ZNF354A: variants seen among roughly 807,000 people sequenced by gnomAD.
The protein encoded by ZNF354A is epididymis luminal protein 104.
ZNF354A carries 25 observed loss-of-function variants against 53.3 expected under a neutral mutation model. The observed-to-expected ratio is 0.47, with a 90% CI of 0.34 to 0.66. The LOEUF (loss-of-function observed/expected upper bound fraction) is 0.66, where lower values mean the gene tolerates loss of function less well. ZNF354A is among the 30% of genes least tolerant of loss of function. ZNF354A has a pLI of 0.01. For missense variants in ZNF354A, 586 were observed against 716.8 expected (o/e 0.82, Z 2.08); for synonymous variants, 228 against 249.0 (o/e 0.92, Z 0.79).
chr5:178,727,125 C>A lies in ZNF354A; in HGVS notation c.34G>T (p.Val12Leu). ...GCCACATCCTCAAACGTCAGTGACA[C>A]CTGTAAGGACAAGTCGTTCCAGCTC... ...AAGQREARPQ[V>L]SLTFEDVAVL... Residue 12 changes from valine (V) to leucine (L), a missense_variant and splice_region_variant, in exon 3 of 5, where the codon GTG becomes TTG. Val to Leu is a conservative substitution (Grantham distance 32, BLOSUM62 1). Around this residue, in one of 2 missense-constraint regions of ZNF354A, gnomAD observed 13 missense variants for 36.7 expected, o/e 0.35. Coordinates refer to ENST00000335815, the MANE Select transcript of ZNF354A (RefSeq NM_005649.3). 6.2e-7 allele frequency: 1 copy of A among 1,612,426 alleles called. No homozygotes were observed. Among genetic ancestry groups the A allele is most frequent in the Non-Finnish European group, 8.5e-7 (1 of 1,179,248 alleles).
At chr5:178,718,041 T>C (rs1765746657) in intron 4 of ZNF354A, among the ~76,000 whole-genome samples, 1 of 152,126 alleles carries the variant, frequency 6.6e-6, no homozygotes. Flanking sequence ...TAAGCAAATG[T>C]GACATGGGGA....
Position 178,713,324 on chromosome 5 carries a change from G to GT in ZNF354A, c.553dup (p.Thr185AsnfsTer6), listed in dbSNP as rs1164748265. The GT allele has an allele frequency of 1.2e-6, 2 of 1,614,108 alleles. No homozygotes were observed. The highest frequency in any genetic ancestry group is 1.3e-5 in the African/African-American group (1 of 75,050). On this transcript the variant is annotated frameshift_variant, in exon 5 of 5. Transcript: ENST00000335815. LOFTEE classifies it high-confidence loss of function. The stretch of plus-strand genomic sequence containing the variant: ...TCCTTGTATTTCACATTTTGGTGGT[G>GT]TTTTTTCTCTGGGAAGTATCTGTTG...
chr5:178,728,435 G>T (rs907900790), intron 2 of ZNF354A, among the ~76,000 whole-genome samples: 1 of 151,960 alleles, frequency 6.6e-6, no homozygotes, highest in Admixed American at 6.6e-5. Flanking sequence ...AGGTTAAAAT[G>T]GTAACATAGA....
chr5:178,727,246 C>G, intron 2 of ZNF354A, 121 bp from the exon 3 acceptor site: 1 of 1,194,368 alleles, frequency 8.4e-7, no homozygotes, highest in Middle Eastern at 2.1e-4. Context: ...CTGAAGGTTC[C>G]AGATCATTCG....
intron 3 of ZNF354A, chr5:178,726,055 G>T: frequency 2.5e-6 from 1 of 399,434 alleles, no homozygotes; most frequent in Non-Finnish European, 5.1e-6. Flanking sequence ...TGTTGGCCAG[G>T]ATGGTCTTGA....
At chr5:178,722,939 T>C (rs1335686862) in intron 4 of ZNF354A, among the ~76,000 whole-genome samples, 2 of 152,130 alleles carry the variant, frequency 1.3e-5, no homozygotes, top group Non-Finnish European at 1.5e-5. Flanking sequence ...CATGGACGCA[T>C]GACCGCCACG....
At chr5:178,730,110 C>T (rs566490063) in intron 1 of ZNF354A, among the ~76,000 whole-genome samples, 1 of 152,296 alleles carries the variant, frequency 6.6e-6, no homozygotes, top group South Asian at 2.1e-4. Context: ...CGTGATCCAC[C>T]CGCTTCGGCC....
intron 3 of ZNF354A, among the ~76,000 whole-genome samples, chr5:178,726,546 C>T (rs558018130): frequency 7.2e-5 from 11 of 152,120 alleles, no homozygotes; most frequent in South Asian, 4.2e-4. Flanking sequence ...ATGATCTGCC[C>T]GCCTTGGCCT....
intron 3 of ZNF354A, chr5:178,726,358 T>A: frequency 2.8e-6 from 1 of 361,992 alleles, no homozygotes; most frequent in East Asian, 7.7e-5. Context: ...TCGCCCAGGC[T>A]GGAGTGCAGT....
intron 4 of ZNF354A, among the ~76,000 whole-genome samples, chr5:178,722,736 C>T (rs1765833941): frequency 6.6e-6 from 1 of 152,186 alleles, no homozygotes. Flanking sequence ...AAACAGGCAA[C>T]CCCTCCCACA....
In ZNF354A at chr5:178,713,228, C is replaced by G. The variant is rs1364523762; in HGVS notation, c.650G>C (p.Ser217Thr). 18 of 1,614,024 alleles carry G rather than the reference C, an allele frequency of 1.1e-5. No homozygotes were observed. The highest frequency in any genetic ancestry group is 1.4e-5 in the Non-Finnish European group (16 of 1,180,028). The change falls in exon 5 of 5, where the codon AGT becomes ACT. Residue 217 changes from serine to threonine, a missense_variant. By Grantham distance (58) the Ser-to-Thr change is moderately conservative. Coordinates refer to ENST00000335815, the MANE Select transcript of ZNF354A (RefSeq NM_005649.3). ...GTTAATGAAGGTTTTTTCACACAGA[C>G]TACATTTATAGCGTTTATCTGCTGT... is the stretch of plus-strand genomic sequence containing the variant. ...KITADKRYKC[S>T]LCEKTFINTS...
chr5:178,716,867 T>C (rs1371262161), intron 4 of ZNF354A, among the ~76,000 whole-genome samples: 1 of 151,686 alleles, frequency 6.6e-6, no homozygotes, highest in Non-Finnish European at 1.5e-5. Context: ...TCACCTGAGA[T>C]CAGGAATTCA....
intron 4 of ZNF354A, among the ~76,000 whole-genome samples, chr5:178,721,395 C>T (rs1442502990): frequency 6.6e-6 from 1 of 152,104 alleles, no homozygotes; most frequent in African/African-American, 2.4e-5. Context: ...AGAAAAGGGA[C>T]AGGAAAAATG....
rs758716925 is a variant in ZNF354A at position 178,713,578 on chromosome 5, T to A, written c.300A>T (p.Gln100His). Residue 100 changes from glutamine (Q) to histidine (H), a missense_variant, in exon 5 of 5, where the codon CAA (glutamine) becomes CAT (histidine). Transcript: ENST00000335815. ...GTATCAGTCCCTGAAATGAAGAGTCTTGTGTTTGCGTTGACTTTGTGGTTT... is the reference window on the plus strand; with the variant it reads ...GTATCAGTCCCTGAAATGAAGAGTCATGTGTTTGCGTTGACTTTGTGGTTT... ...SHKTTKSTQTQDSSFQGLILK... is the reference protein window; with the variant it reads ...SHKTTKSTQTHDSSFQGLILK... The A allele has an allele frequency of 1.3e-6, 2 of 1,587,780 alleles. No individual in the cohort carries two copies. Among genetic ancestry groups the A allele is most frequent in the African/African-American group, 2.7e-5 (2 of 73,238 alleles).
rs941308234 is a variant in ZNF354A at position 178,713,612 on chromosome 5, C to T, written c.266G>A (p.Ser89Asn). 36 of 1,554,508 alleles carry T rather than the reference C, an allele frequency of 2.3e-5. No individual in the cohort carries two copies. The highest frequency in any genetic ancestry group is 3.0e-5 in the Non-Finnish European group (35 of 1,160,542). The change falls in exon 5 of 5, where the codon AGC (serine) becomes AAC (asparagine). Residue 89 changes from serine to asparagine, a missense_variant. Around this residue, in one of 2 missense-constraint regions of ZNF354A, gnomAD observed 573 missense variants for 680.1 expected, o/e 0.84. Transcript: ENST00000335815. ...CGTTGACTTTGTGGTTTTATGACTG[C>T]TCTTCGATCCTGGAGGGAAAAAAAA... is the stretch of plus-strand genomic sequence containing the variant. ...GSGVSSLGSK[S>N]SHKTTKSTQT...
At chr5:178,724,865 C>T (rs1363838857) in intron 4 of ZNF354A, among the ~76,000 whole-genome samples, 4 of 152,208 alleles carry the variant, frequency 2.6e-5, no homozygotes, top group Admixed American at 6.5e-5. Context: ...GCTCACAGGT[C>T]CCTTAGCTGT....
intron 4 of ZNF354A, among the ~76,000 whole-genome samples, chr5:178,720,386 G>A (rs764582987): frequency 1.3e-5 from 2 of 152,180 alleles, no homozygotes; most frequent in African/African-American, 4.8e-5. Context: ...TCATTGGGGT[G>A]AGCCCTAATC....
At chr5:178,723,211 G>A (rs1421038987) in intron 4 of ZNF354A, among the ~76,000 whole-genome samples, 1 of 152,258 alleles carries the variant, frequency 6.6e-6, no homozygotes, top group Non-Finnish European at 1.5e-5. Flanking sequence ...GCTCTCCCCA[G>A]CACAGGGGCT....
chr5:178,721,641 T>G (rs145942147), intron 4 of ZNF354A, among the ~76,000 whole-genome samples: 69 of 152,244 alleles, frequency 4.5e-4, no homozygotes, highest in African/African-American at 1.6e-3. Context: ...TGTGTGGACG[T>G]ACCACAGTTT....
Sources: allele counts gnomAD v4.1 joint callset (sites outside exome capture counted in the v4.1 genomes callset), GRCh38; gene constraint gnomAD v4.1.1; regional missense constraint gnomAD v4.1.1; transcripts MANE v1.5; gene names NCBI Gene and HGNC (gene_info 2026-07-23, HGNC 2026-07-21).